TRIM9: variants seen among roughly 807,000 people sequenced by gnomAD.
TRIM9 encodes tripartite motif containing 9, also known as E3 ubiquitin-protein ligase TRIM9.
Under a neutral mutation model 78.3 loss-of-function variants are expected in TRIM9, and 26 were observed. The observed-to-expected ratio is 0.33, with a 90% CI of 0.24 to 0.46. The LOEUF (loss-of-function observed/expected upper bound fraction) is 0.46, where lower values mean the gene tolerates loss of function less well. TRIM9 is among the 20% of genes least tolerant of loss of function. TRIM9 has a pLI of 1.00. For missense variants in TRIM9, 787 were observed against 1,036.4 expected, an observed-to-expected ratio of 0.76 and a Z score of 3.30; for synonymous variants, 398 against 416.5, an observed-to-expected ratio of 0.96 and a Z score of 0.54.
At chr14:51,066,674 C>T (rs1246403447) in intron 1 of TRIM9, among the ~76,000 whole-genome samples, 1 of 152,234 alleles carries the variant, frequency 6.6e-6, no homozygotes, top group African/African-American at 2.4e-5. Flanking sequence ...AGTCAGAGCA[C>T]ATTCAAAGCA....
intron 1 of TRIM9, among the ~76,000 whole-genome samples, chr14:51,064,679 A>C (rs4077266): frequency 0.25 from 38,062 of 151,552 alleles, 4,868 homozygotes; most frequent in Non-Finnish European, 0.28. Flanking sequence ...ATCACACACA[A>C]AAAAAATCCT....
At chr14:51,004,437 A>AT (rs146612131) in intron 5 of TRIM9, among the ~76,000 whole-genome samples, 1,544 of 150,290 alleles carry the variant, frequency 0.01, 24 homozygotes, top group African/African-American at 0.036. Flanking sequence ...TATTTGTTTA[A>AT]TTTTTTTTTT....
chr14:51,047,797 C>T (rs1345211291), intron 1 of TRIM9, among the ~76,000 whole-genome samples: 2 of 152,198 alleles, frequency 1.3e-5, no homozygotes, highest in African/African-American at 4.8e-5. Flanking sequence ...TGGGGGAACA[C>T]ACAACTTTTA....
At chr14:50,978,834 G>A in intron 12 of TRIM9, 1 of 903,240 alleles carries the variant, frequency 1.1e-6, no homozygotes, top group Non-Finnish European at 1.3e-6. Flanking sequence ...GCATTCTATA[G>A]ATATTTGCTG....
chr14:51,031,798 C>T (rs2058751378), intron 1 of TRIM9, among the ~76,000 whole-genome samples: 1 of 152,220 alleles, frequency 6.6e-6, no homozygotes, highest in Non-Finnish European at 1.5e-5. Context: ...GGGCAATGAG[C>T]TGACCCTTCA....
At chr14:51,056,091 T>C (rs1318728941) in intron 1 of TRIM9, among the ~76,000 whole-genome samples, 2 of 152,242 alleles carry the variant, frequency 1.3e-5, no homozygotes, top group Non-Finnish European at 2.9e-5. Context: ...TTCACTTCTA[T>C]TTATTACAGA....
rs548819249 is a variant in TRIM9 at position 51,048,763 on chromosome 14, T to A, written c.823-23403A>T. On this transcript the variant is annotated intron_variant, in intron 1 of 12. Coordinates refer to ENST00000684578, the MANE Select transcript of TRIM9 (RefSeq NM_001387360.1). ...ACTTTGGAAGGCCGAGGCAGGCGGATCACGAGGTCAGGAGATCGAGACCAT... is the reference window on the plus strand; with the variant it reads ...ACTTTGGAAGGCCGAGGCAGGCGGAACACGAGGTCAGGAGATCGAGACCAT... Among the ~76,000 whole-genome samples, 324 of 152,076 alleles carry A rather than the reference T, an allele frequency of 2.1e-3. 1 individual carries two copies. Among genetic ancestry groups the A allele is most frequent in the Middle Eastern group, 0.014 (4 of 294 alleles).
intron 1 of TRIM9, among the ~76,000 whole-genome samples, chr14:51,035,319 T>C (rs545411972): frequency 6.6e-6 from 1 of 152,310 alleles, no homozygotes; most frequent in South Asian, 2.1e-4. Flanking sequence ...AAAAGCCTTA[T>C]TGACTGTATA....
chr14:51,045,311 T>C (rs548522000), intron 1 of TRIM9, among the ~76,000 whole-genome samples: 1 of 152,356 alleles, frequency 6.6e-6, no homozygotes, highest in Admixed American at 6.5e-5. Flanking sequence ...AAAATTTATC[T>C]TGTGTGTCCC....
At chr14:51,048,983 CA>C (rs570470795) in intron 1 of TRIM9, among the ~76,000 whole-genome samples, 11,172 of 95,096 alleles carry the variant, frequency 0.12, 547 homozygotes, top group African/African-American at 0.22. Context: ...GACTCCATCT[CA>C]AAAAAAAAAA....
chr14:51,037,733 A>T lies in TRIM9; in HGVS notation c.823-12373T>A, dbSNP rs180798177. On this transcript the variant is annotated intron_variant, in intron 1 of 12. Transcript: ENST00000684578. ...TTTAAAAAAATTTTTTTTCAAGAAC[A>T]TGAAAGCAACTCCTGTATCTAAGAT... Among the ~76,000 whole-genome samples, 286 of 152,284 alleles carry T rather than the reference A, an allele frequency of 1.9e-3. 1 individual carries two copies. Among genetic ancestry groups the T allele is most frequent in the South Asian group, 5.4e-3 (26 of 4,814 alleles).
intron 1 of TRIM9, among the ~76,000 whole-genome samples, chr14:51,085,189 A>G (rs777858952): frequency 6.6e-6 from 1 of 152,202 alleles, no homozygotes; most frequent in Non-Finnish European, 1.5e-5. Flanking sequence ...GTAAGAGGAG[A>G]TGAGCAAAAA....
intron 1 of TRIM9, among the ~76,000 whole-genome samples, chr14:51,087,659 T>C (rs546331140): frequency 4.6e-5 from 7 of 152,288 alleles, no homozygotes; most frequent in African/African-American, 1.7e-4. Context: ...AGGTTAAAAA[T>C]TGACCCAAAA....
At chr14:51,068,346 CAAA>C (rs567471052) in intron 1 of TRIM9, among the ~76,000 whole-genome samples, 13 of 131,480 alleles carry the variant, frequency 9.9e-5, no homozygotes, top group African/African-American at 2.2e-4. Context: ...AAAACAAAAA[CAAA>C]AACAAAAAAC....
intron 2 of TRIM9, among the ~76,000 whole-genome samples, chr14:51,024,093 G>A (rs945094662): frequency 1.3e-5 from 2 of 152,296 alleles, no homozygotes; most frequent in Admixed American, 1.3e-4. Flanking sequence ...AAGGCCTTTG[G>A]AAAACATCAT....
chr14:51,006,729 AT>A (rs1453048199), intron 5 of TRIM9, among the ~76,000 whole-genome samples: 1 of 152,146 alleles, frequency 6.6e-6, no homozygotes, highest in Non-Finnish European at 1.5e-5. Flanking sequence ...TTCATGAATC[AT>A]TGTTCTGTTT....
intron 8 of TRIM9, among the ~76,000 whole-genome samples, chr14:50,984,089 A>G (rs572153974): frequency 6.6e-6 from 1 of 152,232 alleles, no homozygotes; most frequent in African/African-American, 2.4e-5. Context: ...CTTCCTTAAG[A>G]TTTGGATACC....
At chr14:51,079,709 C>T (rs1404795071) in intron 1 of TRIM9, among the ~76,000 whole-genome samples, 1 of 152,160 alleles carries the variant, frequency 6.6e-6, no homozygotes, top group African/African-American at 2.4e-5. Context: ...CTGGGCAAGT[C>T]AATGTCAGGC....
At chr14:51,086,034 A>G (rs1451638586) in intron 1 of TRIM9, among the ~76,000 whole-genome samples, 1 of 152,140 alleles carries the variant, frequency 6.6e-6, no homozygotes, top group Non-Finnish European at 1.5e-5. Flanking sequence ...TTCTTTTCTA[A>G]ATTTATTTTG....
Sources: gnomAD v4.1 joint callset for allele counts (sites outside exome capture counted in the v4.1 genomes callset) on GRCh38, gnomAD v4.1.1 for gene constraint, MANE v1.5 for transcripts, NCBI Gene and HGNC (gene_info 2026-07-23, HGNC 2026-07-21) for gene names.